RGS17: variants seen among roughly 807,000 people sequenced by gnomAD.
RGS17 encodes the protein regulator of G protein signaling 17, also known as regulator of G-protein signaling 17.
RGS17 carries 12 observed loss-of-function variants against 25.5 expected under a neutral mutation model. The observed-to-expected ratio is 0.47, with a 90% CI of 0.30 to 0.76. The LOEUF (loss-of-function observed/expected upper bound fraction) is 0.76. Among genes scored for constraint, RGS17 ranks in the 30% least tolerant of loss-of-function variants. RGS17 has a pLI of 0.07. For missense variants in RGS17, 196 were observed against 242.2 expected, an observed-to-expected ratio of 0.81 and a Z score of 1.27; for synonymous variants, 71 against 76.9, an observed-to-expected ratio of 0.92 and a Z score of 0.40.
chr6:153,057,357 A>G lies in RGS17; in HGVS notation c.-25-13314T>C, dbSNP rs540990593. Among the ~76,000 whole-genome samples, 5 of 152,218 alleles carry G rather than the reference A, an allele frequency of 3.3e-5. No individual in the cohort carries two copies. The East Asian group carries it at 9.7e-4, about 29-fold the overall frequency. ...ACACATCAGAATTAGCTCTCATCTC[A>G]CTCTTGAAGTCACCAAATTTTTAGG... On this transcript the variant is annotated intron_variant, in intron 1 of 4. Transcript: ENST00000206262.
intron 1 of RGS17, among the ~76,000 whole-genome samples, chr6:153,103,005 T>C (rs1777326893): frequency 6.6e-6 from 1 of 152,368 alleles, no homozygotes; most frequent in Admixed American, 6.5e-5. Context: ...GGTGGTATAT[T>C]ACATCCATCT....
chr6:153,012,427 T>C (rs1384661558), intron 4 of RGS17, among the ~76,000 whole-genome samples: 1 of 152,218 alleles, frequency 6.6e-6, no homozygotes, highest in African/African-American at 2.4e-5. Context: ...GGAATAGGAA[T>C]GCAGAATGAC....
At chr6:153,025,144 T>C (rs375306238) in intron 3 of RGS17, among the ~76,000 whole-genome samples, 4 of 73,364 alleles carry the variant, frequency 5.5e-5, no homozygotes, top group African/African-American at 2.9e-4. Context: ...ATCCTGTCTC[T>C]GCAAAAAAAA....
intron 1 of RGS17, among the ~76,000 whole-genome samples, chr6:153,098,973 C>G (rs577868773): frequency 6.6e-6 from 1 of 152,192 alleles, no homozygotes; most frequent in South Asian, 2.1e-4. Context: ...ATCATTTATT[C>G]TGATTTGCTT....
intron 2 of RGS17, among the ~76,000 whole-genome samples, chr6:153,043,105 G>A (rs1776342899): frequency 6.6e-6 from 1 of 152,194 alleles, no homozygotes; most frequent in African/African-American, 2.4e-5. Flanking sequence ...AACTCGAGCA[G>A]GTTCTCTGAG....
chr6:153,077,345 G>GA (rs1554240847), intron 1 of RGS17, among the ~76,000 whole-genome samples: 1 of 151,788 alleles, frequency 6.6e-6, no homozygotes, highest in African/African-American at 2.4e-5. Context: ...TCCTGCATGG[G>GA]AAAAAAATAG....
intron 1 of RGS17, among the ~76,000 whole-genome samples, chr6:153,050,179 A>C (rs1035795772): frequency 1.3e-5 from 2 of 152,220 alleles, no homozygotes; most frequent in African/African-American, 2.4e-5. Flanking sequence ...CAAATTCTAA[A>C]ACTGTCATAA....
chr6:153,020,111 A>AAATATAT (rs1426592195), intron 4 of RGS17, among the ~76,000 whole-genome samples: 6 of 58,458 alleles, frequency 1.0e-4, no homozygotes, highest in East Asian at 1.8e-3. Flanking sequence ...AAAAAAAAAA[A>AAATATAT]ATATATATAT....
chr6:153,112,407 C>A (rs6907823), intron 1 of RGS17, among the ~76,000 whole-genome samples: 70,493 of 151,454 alleles, frequency 0.47, 16,968 homozygotes, highest in East Asian at 0.85. Context: ...AACGCCTCCA[C>A]GAAATATGGG....
intron 2 of RGS17, among the ~76,000 whole-genome samples, 184 bp downstream of exon 2, chr6:153,043,716 T>C (rs762771606): frequency 6.6e-6 from 1 of 152,170 alleles, no homozygotes; most frequent in African/African-American, 2.4e-5. Flanking sequence ...TGGGGAAATA[T>C]TATATATTTT....
chr6:153,115,966 A>T (rs1174156351), intron 1 of RGS17, among the ~76,000 whole-genome samples: 1 of 152,254 alleles, frequency 6.6e-6, no homozygotes, highest in South Asian at 2.1e-4. Context: ...AATCTGTAGA[A>T]ACCTTAGAAG....
chr6:153,085,800 C>T (rs1003460348), intron 1 of RGS17, among the ~76,000 whole-genome samples: 13 of 152,108 alleles, frequency 8.5e-5, no homozygotes, highest in Non-Finnish European at 1.8e-4. Flanking sequence ...CAAGAGATTA[C>T]CCTTTAAAAA....
chr6:153,075,138 G>C (rs937592248), intron 1 of RGS17, among the ~76,000 whole-genome samples: 4 of 152,120 alleles, frequency 2.6e-5, no homozygotes, highest in African/African-American at 9.7e-5. Context: ...AGATAAATTA[G>C]GTAATCTAGC....
intron 1 of RGS17, among the ~76,000 whole-genome samples, chr6:153,059,748 T>C (rs115486423): frequency 9.8e-5 from 15 of 152,358 alleles, no homozygotes; most frequent in African/African-American, 2.4e-4. Flanking sequence ...TCTGTTTCCA[T>C]ATTTACAATA....
chr6:153,026,393 G>A (rs866458489), intron 3 of RGS17, 61 bp downstream of exon 3: 41 of 1,182,122 alleles, frequency 3.5e-5, no homozygotes, highest in African/African-American at 1.1e-4. Flanking sequence ...ACTGAGGCAC[G>A]CAGTTGATGT....
intron 1 of RGS17, among the ~76,000 whole-genome samples, chr6:153,054,052 TATATAA>T (rs1334831188): frequency 1.1e-4 from 8 of 73,054 alleles, no homozygotes; most frequent in South Asian, 4.4e-4. Flanking sequence ...TGTATATATG[TATATAA>T]TATATATACA....
rs947352287 is a variant in RGS17 at position 153,129,277 on chromosome 6, T to C, written c.-26+1847A>G. On this transcript the variant is annotated intron_variant, in intron 1 of 4. Coordinates refer to ENST00000206262, the MANE Select transcript of RGS17 (RefSeq NM_012419.5). ...TGCTAATTACTGTTTTAGTTCATGT[T>C]AACAGAAGAAATGGCTTAACAACAG... Among the ~76,000 whole-genome samples, 4 of 152,332 alleles carry C rather than the reference T, an allele frequency of 2.6e-5. No individual in the cohort carries two copies. The East Asian group carries it at 7.7e-4, about 29-fold the overall frequency.
At chr6:153,123,879 A>G (rs1473733333) in intron 1 of RGS17, among the ~76,000 whole-genome samples, 1 of 152,216 alleles carries the variant, frequency 6.6e-6, no homozygotes, top group African/African-American at 2.4e-5. Context: ...AAGGCATAGT[A>G]CAGATGTATG....
chr6:153,108,941 T>A (rs1777425775), intron 1 of RGS17, among the ~76,000 whole-genome samples: 1 of 151,982 alleles, frequency 6.6e-6, no homozygotes, highest in South Asian at 2.1e-4. Flanking sequence ...GGGGCAGGCA[T>A]TTTTGTCTGT....
Sources: allele counts gnomAD v4.1 joint callset (sites outside exome capture counted in the v4.1 genomes callset), GRCh38; gene constraint gnomAD v4.1.1; transcripts MANE v1.5; gene names NCBI Gene and HGNC (gene_info 2026-07-23, HGNC 2026-07-21).